DPY19L3: variants seen among roughly 807,000 people sequenced by gnomAD.
The protein encoded by DPY19L3 is protein C-mannosyl-transferase DPY19L3.
DPY19L3 carries 51 observed loss-of-function variants against 92.3 expected under a neutral mutation model. The observed-to-expected ratio is 0.55, with a 90% confidence interval of 0.44 to 0.70. DPY19L3 has a LOEUF of 0.70. Among genes scored for constraint, DPY19L3 ranks in the 30% least tolerant of loss-of-function variants. DPY19L3 has a pLI of 0.00. For synonymous variants in DPY19L3, 309 were observed against 315.2 expected (o/e 0.98, Z 0.21); for missense variants, 706 against 855.9 (o/e 0.82, Z 2.18).
At chr19:32,443,781 C>G (rs779791690) in intron 8 of DPY19L3, among the ~76,000 whole-genome samples, 1 of 152,046 alleles carries the variant, frequency 6.6e-6, no homozygotes, top group Non-Finnish European at 1.5e-5. Context: ...CTTCTTAGGC[C>G]GAGCGCAGTG....
At chr19:32,423,402 ATTTT>A (rs71176123) in intron 3 of DPY19L3, among the ~76,000 whole-genome samples, 1 of 82,226 alleles carries the variant, frequency 1.2e-5, no homozygotes. Context: ...TGCCCAGCTA[ATTTT>A]TTTTTTTTTT....
rs890799195 is a variant in DPY19L3, at chr19:32,414,196, G to A, written c.237+2824G>A. On this transcript the variant is annotated intron_variant, in intron 3 of 18. Coordinates refer to ENST00000392250, the MANE Select transcript of DPY19L3 (RefSeq NM_001172774.2). ...CGCACTTTGGGAGGCCGTGGCGGGC[G>A]GATCACGAGGTTAGGAAATTGAGAC... is the stretch of plus-strand genomic sequence containing the variant. Among the ~76,000 whole-genome samples, 37 of 151,968 alleles carry A rather than the reference G, an allele frequency of 2.4e-4. 1 individual carries two copies. The highest frequency in any genetic ancestry group is 1.0e-3 in the Admixed American group (16 of 15,254).
At chr19:32,443,822 G>A (rs560130436) in intron 8 of DPY19L3, among the ~76,000 whole-genome samples, 2 of 152,194 alleles carry the variant, frequency 1.3e-5, no homozygotes, top group East Asian at 3.9e-4. Flanking sequence ...CCCTTTGGGA[G>A]GCCAAGGCAG....
intron 3 of DPY19L3, among the ~76,000 whole-genome samples, chr19:32,432,391 G>A (rs1968998259): frequency 6.6e-6 from 1 of 151,998 alleles, no homozygotes; most frequent in African/African-American, 2.4e-5. Context: ...GGTGTCTAAT[G>A]CAATTATATT....
At chr19:32,431,034 A>G (rs922168383) in intron 3 of DPY19L3, among the ~76,000 whole-genome samples, 2 of 152,154 alleles carry the variant, frequency 1.3e-5, no homozygotes, top group African/African-American at 4.8e-5. Context: ...TGAGATGTTC[A>G]GTATTTATCA....
chr19:32,447,224 T>C (rs1267466254), intron 8 of DPY19L3, among the ~76,000 whole-genome samples: 2 of 152,210 alleles, frequency 1.3e-5, no homozygotes, highest in Non-Finnish European at 2.9e-5. Context: ...TGTTTAAATT[T>C]GTGGGACACA....
rs531748020 is a variant in DPY19L3, at chr19:32,472,344, C to T, written c.1697+3531C>T. 6.6e-5 allele frequency among the ~76,000 whole-genome samples: 10 copies of T among 152,208 alleles called. No homozygotes were observed. The East Asian group carries it at 1.4e-3, about 21-fold the overall frequency. Reference sequence around the variant, plus strand: ...CCCAGGCTGCGGTAGCCCCAGCCGCCTTCCCTAAGAGCTGGGAGGCATGTC... The same window carrying T: ...CCCAGGCTGCGGTAGCCCCAGCCGCTTTCCCTAAGAGCTGGGAGGCATGTC... On this transcript the variant is annotated intron_variant, in intron 16 of 18. Coordinates refer to ENST00000392250, the MANE Select transcript of DPY19L3 (RefSeq NM_001172774.2).
At chr19:32,439,641 C>A in intron 7 of DPY19L3, 135 bp from the exon 8 acceptor site, 1 of 836,812 alleles carries the variant, frequency 1.2e-6, no homozygotes, top group Non-Finnish European at 1.8e-6. Context: ...ATAACAAATG[C>A]AAGGGTTTTC....
chr19:32,448,029 C>T (rs1269907087), intron 8 of DPY19L3, among the ~76,000 whole-genome samples: 1 of 152,100 alleles, frequency 6.6e-6, no homozygotes, highest in Non-Finnish European at 1.5e-5. Context: ...GTGATAGATA[C>T]ACGAAAAGCC....
chr19:32,453,092 GTGA>G, intron 8 of DPY19L3, 50 bp from the exon 9 acceptor site: 1 of 1,604,222 alleles, frequency 6.2e-7, no homozygotes, highest in South Asian at 1.1e-5. Context: ...ATGTCGACAT[GTGA>G]TGATCTCTTG....
chr19:32,463,014 T>G (rs1228205578), intron 12 of DPY19L3, among the ~76,000 whole-genome samples: 1 of 152,106 alleles, frequency 6.6e-6, no homozygotes, highest in African/African-American at 2.4e-5. Context: ...ATTTGAAAAA[T>G]ACTCATAATA....
rs1219580020 is a variant in DPY19L3, at chr19:32,454,981, CTT to C, written c.1033_1034del (p.Leu345ValfsTer18). On this transcript the variant is annotated frameshift_variant, in exon 10 of 19. Coordinates refer to ENST00000392250, the MANE Select transcript of DPY19L3 (RefSeq NM_001172774.2). LOFTEE classifies it high-confidence loss of function. ...TGSFLNRLGK[L>X]LLHLFMVLCL... Reference sequence around the variant, plus strand: ...AAGCTTCCTTAATAGGCTTGGGAAACTTTTGTTACATTTATTTATGGTTTTAT... The same window carrying C: ...AAGCTTCCTTAATAGGCTTGGGAAACTTGTTACATTTATTTATGGTTTTAT... The C allele has an allele frequency of 1.3e-6, 2 of 1,572,932 alleles. No homozygotes were observed. Among genetic ancestry groups the C allele is most frequent in the Non-Finnish European group, 1.7e-6 (2 of 1,168,488 alleles).
At chr19:32,421,162 A>G (rs1568327454) in intron 3 of DPY19L3, among the ~76,000 whole-genome samples, 1 of 152,222 alleles carries the variant, frequency 6.6e-6, no homozygotes, top group Non-Finnish European at 1.5e-5. Flanking sequence ...GATTGTTTAT[A>G]ATAGTACAGT....
intron 8 of DPY19L3, among the ~76,000 whole-genome samples, chr19:32,442,313 T>C (rs1969349666): frequency 6.6e-6 from 1 of 152,206 alleles, no homozygotes; most frequent in South Asian, 2.1e-4. Flanking sequence ...TTATAAAGTG[T>C]ATACTTTTGC....
intron 18 of DPY19L3, chr19:32,481,757 C>T (rs1384161352): frequency 1.0e-5 from 2 of 191,968 alleles, no homozygotes; most frequent in Non-Finnish European, 1.1e-5. Flanking sequence ...TTTCTCTGAT[C>T]ACTGTAGTTC....
chr19:32,431,326 C>G (rs1015830091), intron 3 of DPY19L3, among the ~76,000 whole-genome samples: 3 of 151,108 alleles, frequency 2.0e-5, no homozygotes, highest in Non-Finnish European at 4.4e-5. Context: ...TGCAGTGAGC[C>G]GAGATCGCAC....
intron 16 of DPY19L3, among the ~76,000 whole-genome samples, chr19:32,476,026 T>C (rs953093349): frequency 1.3e-5 from 2 of 152,206 alleles, no homozygotes; most frequent in Non-Finnish European, 2.9e-5. Context: ...AATGAGAGTG[T>C]CATTGTTAGA....
In DPY19L3 at chr19:32,483,158, A is replaced by T. The variant is rs1970720617; in HGVS notation, c.*918A>T. ...ACAGCCTAGAATCTTGCAAAGTCTG[A>T]ATATTTTTTAAATGTTCTATCTTAA... is the stretch of plus-strand genomic sequence containing the variant. On this transcript the variant is annotated 3_prime_UTR_variant, in exon 19 of 19. Coordinates refer to ENST00000392250, the MANE Select transcript of DPY19L3 (RefSeq NM_001172774.2). The T allele has an allele frequency of 6.6e-6, 1 of 152,292 alleles. No individual in the cohort carries two copies. The highest frequency in any genetic ancestry group is 2.1e-4 in the South Asian group (1 of 4,824). 9.4% of individuals were successfully genotyped at this position (152,292 alleles called of 1,614,324 possible). A position where few individuals can be genotyped will look rare whatever the true frequency, so the allele number is the denominator to read the frequency against.
intron 17 of DPY19L3, among the ~76,000 whole-genome samples, chr19:32,478,186 G>A (rs1212684389): frequency 1.3e-5 from 2 of 152,148 alleles, no homozygotes; most frequent in Admixed American, 1.3e-4. Flanking sequence ...ACCTCTGCCT[G>A]CCCATATCCA....
Sources: allele counts gnomAD v4.1 joint callset (sites outside exome capture counted in the v4.1 genomes callset), GRCh38; gene constraint gnomAD v4.1.1; transcripts MANE v1.5; gene names NCBI Gene and HGNC (gene_info 2026-07-23, HGNC 2026-07-21).